MCCC1: variants seen among roughly 807,000 people sequenced by gnomAD.
The protein encoded by MCCC1 is methylcrotonoyl-CoA carboxylase subunit alpha, mitochondrial.
Under a neutral mutation model 83.8 loss-of-function variants are expected in MCCC1, and 64 were observed. That is an observed-to-expected ratio of 0.76 (90% confidence interval 0.62 to 0.94). The LOEUF is 0.94. Ranked by LOEUF, MCCC1 falls within the 40% of genes least tolerant of loss-of-function variation. The pLI is 0.00. For synonymous variants in MCCC1, 322 were observed against 315.4 expected (o/e 1.02, Z -0.22); for missense variants, 807 against 904.7 (o/e 0.89, Z 1.39).
At chr3:183,106,503 T>C (rs1719407755) in intron 1 of MCCC1, among the ~76,000 whole-genome samples, 1 of 151,514 alleles carries the variant, frequency 6.6e-6, no homozygotes, top group African/African-American at 2.4e-5. Flanking sequence ...TCTTTCTTTC[T>C]TTCTTTCTTT....
intron 7 of MCCC1, among the ~76,000 whole-genome samples, chr3:183,058,182 G>A (rs1343211144): frequency 6.6e-6 from 1 of 152,088 alleles, no homozygotes; most frequent in Non-Finnish European, 1.5e-5. Flanking sequence ...ATGACTTTTT[G>A]TTTTTAAGCA....
intron 16 of MCCC1, 135 bp from the exon 17 acceptor site, chr3:183,020,372 T>G: frequency 1.4e-6 from 1 of 718,476 alleles, no homozygotes. Context: ...TGGCTCACGA[T>G]TGTAAACCCA....
At chr3:183,115,296 A>G (rs1310267151) in intron 1 of MCCC1, among the ~76,000 whole-genome samples, 4 of 151,936 alleles carry the variant, frequency 2.6e-5, no homozygotes, top group African/African-American at 9.7e-5. Context: ...ATTGGCTATC[A>G]TTTCTTCCAG....
chr3:183,050,798 C>T (rs899428400), intron 9 of MCCC1, among the ~76,000 whole-genome samples: 1 of 150,958 alleles, frequency 6.6e-6, no homozygotes, highest in African/African-American at 2.4e-5. Context: ...TGATAAAGAA[C>T]TGTCATTCAA....
chr3:183,076,762 C>T (rs980039034), intron 4 of MCCC1, among the ~76,000 whole-genome samples: 19 of 152,108 alleles, frequency 1.2e-4, no homozygotes, highest in South Asian at 8.3e-4. Flanking sequence ...ACCATAAACT[C>T]GGCCAACCCA....
intron 9 of MCCC1, among the ~76,000 whole-genome samples, chr3:183,049,925 C>G (rs1297514329): frequency 6.6e-6 from 1 of 152,166 alleles, no homozygotes; most frequent in South Asian, 2.1e-4. Context: ...TTGAGACCAG[C>G]CTTGGCAATA....
At chr3:183,080,142 G>C (rs1717382183) in intron 4 of MCCC1, among the ~76,000 whole-genome samples, 1 of 152,128 alleles carries the variant, frequency 6.6e-6, no homozygotes. Flanking sequence ...TTAACGTTGG[G>C]CTCCTTGTTA....
chr3:183,082,942 A>G (rs1441723885), intron 4 of MCCC1, among the ~76,000 whole-genome samples: 1 of 152,066 alleles, frequency 6.6e-6, no homozygotes, highest in East Asian at 1.9e-4. Flanking sequence ...GTGAGCCATG[A>G]TCATACCACT....
chr3:183,086,298 G>A (rs1242151814), intron 4 of MCCC1, among the ~76,000 whole-genome samples: 5 of 152,104 alleles, frequency 3.3e-5, no homozygotes, highest in African/African-American at 1.2e-4. Flanking sequence ...AGTTCCCTAC[G>A]TGGCCCTAGA....
At chr3:183,110,952 T>C (rs1365641153) in intron 1 of MCCC1, among the ~76,000 whole-genome samples, 3 of 152,332 alleles carry the variant, frequency 2.0e-5, no homozygotes, top group Non-Finnish European at 4.4e-5. Context: ...TGATTGTAGG[T>C]ATGCAGCTTT....
At chr3:183,050,429 G>T (rs977534570) in intron 9 of MCCC1, among the ~76,000 whole-genome samples, 4 of 151,374 alleles carry the variant, frequency 2.6e-5, no homozygotes, top group Non-Finnish European at 5.9e-5. Flanking sequence ...TCGGCCGGGC[G>T]CGGTGGCTCA....
chr3:183,018,584 G>C (rs539679105), intron 17 of MCCC1, among the ~76,000 whole-genome samples: 6 of 152,348 alleles, frequency 3.9e-5, no homozygotes, highest in Admixed American at 2.6e-4. Flanking sequence ...GCACTGCTTA[G>C]TCCCCTGTCC....
intron 9 of MCCC1, among the ~76,000 whole-genome samples, chr3:183,049,989 A>C (rs1714840135): frequency 6.6e-6 from 1 of 152,104 alleles, no homozygotes; most frequent in Non-Finnish European, 1.5e-5. Context: ...GTGTTGTGGC[A>C]CATGCCTGTA....
intron 1 of MCCC1, among the ~76,000 whole-genome samples, chr3:183,114,566 T>G (rs886526967): frequency 5.9e-5 from 9 of 152,136 alleles, no homozygotes; most frequent in African/African-American, 2.2e-4. Flanking sequence ...AACATACACA[T>G]TTGATCACAG....
rs548218484 is a variant in MCCC1 at position 183,082,771 on chromosome 3, A to G, written c.369+3922T>C. Among the ~76,000 whole-genome samples the G allele has an allele frequency of 2.6e-5, 4 of 152,310 alleles. No individual in the cohort carries two copies. The South Asian group carries it at 8.3e-4, about 32-fold the overall frequency. ...GAGAGAAGGATCACTTGAGCCCAGGAGTTTGAGACCAGCCTGGGAAACACA... is the reference window on the plus strand; with the variant it reads ...GAGAGAAGGATCACTTGAGCCCAGGGGTTTGAGACCAGCCTGGGAAACACA... On this transcript the variant is annotated intron_variant, in intron 4 of 18. Transcript: ENST00000265594.
chr3:183,071,410 T>G, intron 5 of MCCC1, 53 bp from the exon 6 acceptor site: 1 of 1,612,708 alleles, frequency 6.2e-7, no homozygotes, highest in Non-Finnish European at 8.5e-7. Flanking sequence ...ATTATTTCAT[T>G]CAAGACAAAC....
At chr3:183,068,332 C>T (rs540808121) in intron 7 of MCCC1, among the ~76,000 whole-genome samples, 220 of 152,294 alleles carry the variant, frequency 1.4e-3, no homozygotes, top group Admixed American at 4.3e-3. Context: ...CTAAATCCCA[C>T]TAAAACCAAG....
intron 18 of MCCC1, 33 bp downstream of exon 18, chr3:183,017,233 T>G: frequency 6.3e-7 from 1 of 1,588,566 alleles, no homozygotes; most frequent in East Asian, 2.2e-5. Flanking sequence ...GCTCCCAAAG[T>G]CCTCATAGCA....
chr3:183,103,047 G>C (rs564536580), upstream of MCCC1, among the ~76,000 whole-genome samples: 1 of 151,904 alleles, frequency 6.6e-6, no homozygotes. Context: ...AGATCCTCGC[G>C]GTGAGTGTTA....
Sources: gnomAD v4.1 joint callset for allele counts (sites outside exome capture counted in the v4.1 genomes callset) on GRCh38, gnomAD v4.1.1 for gene constraint, MANE v1.5 for transcripts, NCBI Gene and HGNC (gene_info 2026-07-23, HGNC 2026-07-21) for gene names.